Variants in MROH2B observed in about 807,000 individuals in gnomAD.
MROH2B encodes maestro heat like repeat family member 2B.
MROH2B carries 177 observed loss-of-function variants against 208.6 expected under a neutral mutation model. That is an observed-to-expected ratio of 0.85 (90% CI 0.75 to 0.96). MROH2B has a LOEUF of 0.96. MROH2B is among the 40% of genes least tolerant of loss of function. MROH2B has a pLI of 0.00. For missense variants in MROH2B, 2,002 were observed against 1,878.7 expected, an observed-to-expected ratio of 1.07 and a Z score of -1.21; for synonymous variants, 728 against 659.0, an observed-to-expected ratio of 1.10 and a Z score of -1.60.
Position 41,057,097 on chromosome 5 carries a change from T to TGCTGA in MROH2B, c.919+11_919+12insTCAGC, listed in dbSNP as rs1329791312. On this transcript the variant is annotated intron_variant, in intron 9 of 41. Coordinates refer to ENST00000399564, the MANE Select transcript of MROH2B (RefSeq NM_173489.5). ...ACATTTTTATTAAAAGCCTTCTGGATGCTGGTCCTACCTAGAATGAGAAAA... is the reference window on the plus strand; with the variant it reads ...ACATTTTTATTAAAAGCCTTCTGGATGCTGAGCTGGTCCTACCTAGAATGAGAAAA... 6.2e-7 allele frequency: 1 copy of TGCTGA among 1,613,826 alleles called. No individual in the cohort carries two copies. Among genetic ancestry groups the TGCTGA allele is most frequent in the East Asian group, 2.2e-5 (1 of 44,892 alleles).
intron 12 of MROH2B, 75 bp downstream of exon 12, chr5:41,052,390 T>A (rs1743311895): frequency 2.2e-6 from 3 of 1,384,268 alleles, no homozygotes; most frequent in Non-Finnish European, 2.8e-6. Flanking sequence ...ATCCTAATCA[T>A]TTTTTAAAAA....
Position 41,002,243 on chromosome 5 carries a change from A to T in MROH2B, c.4195-1410T>A, listed in dbSNP as rs933823351. Among the ~76,000 whole-genome samples, 5 of 152,192 alleles carry T rather than the reference A, an allele frequency of 3.3e-5. No individual in the cohort carries two copies. The South Asian group carries it at 1.0e-3, about 31-fold the overall frequency. On this transcript the variant is annotated intron_variant, in intron 37 of 41. Coordinates refer to ENST00000399564, the MANE Select transcript of MROH2B (RefSeq NM_173489.5). Reference sequence around the variant, plus strand: ...CAATCAACCAATCGAGATGATGAAAAATCAGAAAGAAAAAGTGGCAAAAGG... The same window carrying T: ...CAATCAACCAATCGAGATGATGAAATATCAGAAAGAAAAAGTGGCAAAAGG...
intron 1 of MROH2B, among the ~76,000 whole-genome samples, chr5:41,070,013 C>G (rs965711052): frequency 2.0e-5 from 3 of 152,148 alleles, no homozygotes; most frequent in African/African-American, 7.2e-5. Flanking sequence ...TCCTATGTAT[C>G]CCTCCAGGCA....
At chr5:41,018,197 T>G in intron 27 of MROH2B, 144 bp downstream of exon 27, 1 of 982,768 alleles carries the variant, frequency 1.0e-6, no homozygotes, top group South Asian at 1.7e-5. Context: ...CACTCTGAAG[T>G]TAGATCTCTC....
rs369116886 is a variant in MROH2B at position 41,038,897 on chromosome 5, C to T, written c.2062-9G>A. ...TTCCCAGAAAAAAGGCTCTGAAGAC[C>T]AGGAAAGGGAGACATGAAAAATGTG... On this transcript the variant is annotated splice_polypyrimidine_tract_variant and intron_variant, in intron 20 of 41. Transcript: ENST00000399564. 2.3e-5 allele frequency: 37 copies of T among 1,592,414 alleles called. No homozygotes were observed. Among genetic ancestry groups the T allele is most frequent in the African/African-American group, 2.7e-5 (2 of 73,554 alleles).
At chr5:41,000,595 C>T (rs1381375050) in intron 38 of MROH2B, 83 bp downstream of exon 38, 15 of 1,484,504 alleles carry the variant, frequency 1.0e-5, no homozygotes, top group South Asian at 1.4e-5. Context: ...AGATCTGGCT[C>T]CTGGTGCAGC....
At chr5:41,027,144 T>C (rs1742393264) in intron 24 of MROH2B, among the ~76,000 whole-genome samples, 2 of 152,134 alleles carry the variant, frequency 1.3e-5, no homozygotes, top group Admixed American at 1.3e-4. Flanking sequence ...ACTTCATGTC[T>C]AAAACACCAA....
intron 37 of MROH2B, among the ~76,000 whole-genome samples, chr5:41,003,861 T>C (rs539201440): frequency 1.3e-5 from 2 of 152,308 alleles, no homozygotes; most frequent in East Asian, 1.9e-4. Context: ...CTGGAAGGCA[T>C]AGAGGAAAAT....
At chr5:41,005,264 C>G in intron 35 of MROH2B, 1 of 533,900 alleles carries the variant, frequency 1.9e-6, no homozygotes, top group South Asian at 3.0e-5. Flanking sequence ...TGCTACAATG[C>G]TTTGTTTGAT....
chr5:41,047,287 C>A (rs1228964216), intron 17 of MROH2B, among the ~76,000 whole-genome samples: 3 of 151,896 alleles, frequency 2.0e-5, no homozygotes, highest in Non-Finnish European at 4.4e-5. Context: ...AAAATGTGGC[C>A]CTTTGTTTTT....
intron 33 of MROH2B, 118 bp from the exon 34 acceptor site, chr5:41,007,572 T>G: frequency 2.0e-6 from 2 of 1,007,190 alleles, no homozygotes; most frequent in Non-Finnish European, 2.6e-6. Flanking sequence ...GGGGATGTTG[T>G]GTAAGGGAAA....
Position 41,010,098 on chromosome 5 carries a change from A to G in MROH2B, c.3136-19T>C. 1.9e-6 allele frequency: 3 copies of G among 1,610,060 alleles called. No individual in the cohort carries two copies. Among genetic ancestry groups the G allele is most frequent in the Non-Finnish European group, 1.7e-6 (2 of 1,177,924 alleles). ...CCAATAGCTAAAGAGAAAAAAGCCA[A>G]GTCAAACATTAAGTTGCCATTTTCC... On this transcript the variant is annotated intron_variant, in intron 30 of 41. Transcript: ENST00000399564.
rs866059852 is a variant in MROH2B at position 41,018,729 on chromosome 5, C to A, written c.2635G>T (p.Asp879Tyr). ...LGKLLKTMMW[D>Y]NVNAEDCQEM... ...TGACAGTCCTCTGCATTCACATTAT[C>A]CCACATCATGGTCTTCAGAAGTTTT... The change falls in exon 26 of 42, where the codon GAT becomes TAT. Residue 879 changes from aspartate to tyrosine, a missense_variant. Transcript: ENST00000399564. 6.2e-7 allele frequency: 1 copy of A among 1,613,936 alleles called. No homozygotes were observed. The highest frequency in any genetic ancestry group is 8.5e-7 in the Non-Finnish European group (1 of 1,179,882).
At chr5:40,998,435 C>G (rs1172745422) in intron 41 of MROH2B, among the ~76,000 whole-genome samples, 177 bp downstream of exon 41, 1 of 152,140 alleles carries the variant, frequency 6.6e-6, no homozygotes, top group Non-Finnish European at 1.5e-5. Context: ...CTGCAAAGGG[C>G]TGGAGCTGGA....
In MROH2B at chr5:41,018,868, C is replaced by T. The variant is rs1253783364; in HGVS notation, c.2577+15G>A. 1 of 1,613,728 alleles carries T rather than the reference C, an allele frequency of 6.2e-7. No individual in the cohort carries two copies. The highest frequency in any genetic ancestry group is 8.5e-7 in the Non-Finnish European group (1 of 1,179,866). ...CTGCAGACTGTCATCCTACTTAGGC[C>T]TCACTAGTGCATACTTGAATGTGCT... On this transcript the variant is annotated intron_variant, in intron 25 of 41. Transcript: ENST00000399564.
intron 29 of MROH2B, 69 bp downstream of exon 29, chr5:41,015,312 G>T: frequency 7.4e-7 from 1 of 1,342,838 alleles, no homozygotes; most frequent in Non-Finnish European, 1.1e-6. Flanking sequence ...GCAGTGGGGA[G>T]TATGTAGCTT....
intron 21 of MROH2B, among the ~76,000 whole-genome samples, chr5:41,035,196 G>T (rs1579935113): frequency 6.6e-6 from 1 of 151,990 alleles, no homozygotes; most frequent in African/African-American, 2.4e-5. Flanking sequence ...ATACTATAAG[G>T]CTATAGTAAT....
At chr5:41,023,412 C>T (rs148577039) in intron 24 of MROH2B, among the ~76,000 whole-genome samples, 8,869 of 151,974 alleles carry the variant, frequency 0.058, 331 homozygotes, top group African/African-American at 0.099. Context: ...TTTCAGTAGC[C>T]GATTCGATCA....
chr5:41,020,479 C>T (rs1003322958), intron 24 of MROH2B, among the ~76,000 whole-genome samples: 1 of 152,178 alleles, frequency 6.6e-6, no homozygotes, highest in South Asian at 2.1e-4. Flanking sequence ...TATGTGGGTG[C>T]TTCTTACATC....
Sources: gnomAD v4.1 joint callset for allele counts (sites outside exome capture counted in the v4.1 genomes callset) on GRCh38, gnomAD v4.1.1 for gene constraint, MANE v1.5 for transcripts, NCBI Gene and HGNC (gene_info 2026-07-23, HGNC 2026-07-21) for gene names.